Variants in POLR1A observed in about 807,000 individuals in gnomAD.
POLR1A encodes the protein DNA-directed RNA polymerase I subunit RPA1.
A neutral mutation model predicts 205.3 loss-of-function variants in POLR1A; 84 were observed. The observed-to-expected ratio is 0.41, with a 90% CI of 0.34 to 0.49. The LOEUF (loss-of-function observed/expected upper bound fraction) is 0.49. POLR1A is among the 20% of genes least tolerant of loss of function. The probability of loss-of-function intolerance (pLI) is 0.22; values close to 1 mark genes in which losing one functional copy is unlikely to be tolerated. For synonymous variants in POLR1A, 799 were observed against 863.7 expected, an observed-to-expected ratio of 0.93 and a Z score of 1.31; for missense variants, 1,645 against 2,204.5, an observed-to-expected ratio of 0.75 and a Z score of 5.08.
intron 29 of POLR1A, among the ~76,000 whole-genome samples, 167 bp downstream of exon 29, chr2:86,032,105 C>A (rs958879798): frequency 1.3e-5 from 2 of 152,172 alleles, no homozygotes; most frequent in Non-Finnish European, 2.9e-5. Context: ...CCCTATGAAC[C>A]CCATCTTCTC....
In POLR1A at chr2:86,023,611, T is replaced by C. The variant is rs1330377141; in HGVS notation, c.*3812A>G. 2 of 152,108 alleles carry C rather than the reference T, an allele frequency of 1.3e-5. No homozygotes were observed. The highest frequency in any genetic ancestry group is 1.5e-5 in the Non-Finnish European group (1 of 68,016). The allele number at this position is 152,108 out of a possible 1,614,324, so 9.4% of individuals were successfully genotyped here. A position where few individuals can be genotyped will look rare whatever the true frequency, so the allele number is the denominator to read the frequency against. ...GGATGTGGAGAAATTGAAATTGTTG[T>C]ACACCGTTGGTGGGAACATAAAATG... is the stretch of plus-strand genomic sequence containing the variant. On this transcript the variant is annotated 3_prime_UTR_variant, in exon 34 of 34. Coordinates refer to ENST00000263857, the MANE Select transcript of POLR1A (RefSeq NM_015425.6).
Position 86,088,984 on chromosome 2 carries a change from C to A in POLR1A, c.541-114G>T. 4.3e-6 allele frequency: 3 copies of A among 690,120 alleles called. No individual in the cohort carries two copies. In the East Asian group the frequency reaches 8.2e-5, roughly 19 times the overall value. The allele number at this position is 690,120 out of a possible 1,614,324, so 42.7% of individuals were successfully genotyped here. The stretch of plus-strand genomic sequence containing the variant: ...TTAACCAGCGGAAACACCCCCACCA[C>A]CACTTTCTTAAACAAAATCTTCCAT... On this transcript the variant is annotated intron_variant, in intron 4 of 33. Transcript: ENST00000263857.
At chr2:86,058,054 G>A (rs1178299897) in intron 14 of POLR1A, among the ~76,000 whole-genome samples, 3 of 152,144 alleles carry the variant, frequency 2.0e-5, no homozygotes, top group Non-Finnish European at 2.9e-5. Flanking sequence ...GGCTATAGGT[G>A]TGTGCCACCA....
At chr2:86,095,730 CTT>C (rs3077170) in intron 3 of POLR1A, among the ~76,000 whole-genome samples, 105,493 of 141,640 alleles carry the variant, frequency 0.74, 40,271 homozygotes, top group South Asian at 0.84. Context: ...ATATTCTTTT[CTT>C]TTTTTTTTTT....
chr2:86,031,899 C>T (rs1253368945), intron 29 of POLR1A, among the ~76,000 whole-genome samples: 2 of 152,166 alleles, frequency 1.3e-5, no homozygotes, highest in South Asian at 2.1e-4. Flanking sequence ...ACCTGCTCAC[C>T]GGTAAGTTCC....
chr2:86,075,240 G>C lies in POLR1A; in HGVS notation c.1401C>G (p.Thr467=), dbSNP rs1673260536. ...GIPMVFATKL[T]YPQPVTPWNV... ...TCCATGGGGTAACTGGCTGTGGGTAGGTCAGTTTTGTGGCAAACACCTGGA... is the reference window on the plus strand; with the variant it reads ...TCCATGGGGTAACTGGCTGTGGGTACGTCAGTTTTGTGGCAAACACCTGGA... The change falls in exon 12 of 34, where the codon ACC becomes ACG. Residue 467 remains threonine, a synonymous_variant. Coordinates refer to ENST00000263857, the MANE Select transcript of POLR1A (RefSeq NM_015425.6). 4 of 1,608,154 alleles carry C rather than the reference G, an allele frequency of 2.5e-6. No homozygotes were observed. The highest frequency in any genetic ancestry group is 3.4e-6 in the Non-Finnish European group (4 of 1,176,592).
At chr2:86,044,389 G>C in intron 21 of POLR1A, 85 bp from the exon 22 acceptor site, 1 of 1,437,604 alleles carries the variant, frequency 7.0e-7, no homozygotes, top group Non-Finnish European at 9.7e-7. Flanking sequence ...CAGTGGAGGG[G>C]AGGGAAAGGG....
At chr2:86,086,562 A>T (rs141075835) in intron 6 of POLR1A, among the ~76,000 whole-genome samples, 24 of 152,372 alleles carry the variant, frequency 1.6e-4, no homozygotes, top group African/African-American at 5.3e-4. Flanking sequence ...TGCTCATCAC[A>T]AACATGGTCC....
At chr2:86,053,755 C>T (rs1010316434) in intron 15 of POLR1A, among the ~76,000 whole-genome samples, 2 of 152,174 alleles carry the variant, frequency 1.3e-5, no homozygotes, top group African/African-American at 2.4e-5. Flanking sequence ...TCTCTCTGCC[C>T]TGGGCCTGTC....
In POLR1A at chr2:86,020,803, C is replaced by CA. The variant is rs1045471486; in HGVS notation, c.*6619dup. 2 of 152,222 alleles carry CA rather than the reference C, an allele frequency of 1.3e-5. No homozygotes were observed. Among genetic ancestry groups the CA allele is most frequent in the African/African-American group, 4.8e-5 (2 of 41,450 alleles). The allele number at this position is 152,222 out of a possible 1,614,324, so 9.4% of individuals were successfully genotyped here. On this transcript the variant is annotated 3_prime_UTR_variant, in exon 34 of 34. Transcript: ENST00000263857. ...CAGTAGCACCTCCCTCCAGTAGCAA[C>CA]AAAAAATGTCCGCAGACACTGCTGA...
intron 16 of POLR1A, among the ~76,000 whole-genome samples, chr2:86,049,505 A>T (rs1672763946): frequency 6.6e-6 from 1 of 152,232 alleles, no homozygotes. Flanking sequence ...GTATGGGTAG[A>T]AAGTAAACCC....
chr2:86,064,103 C>T (rs1673046625), intron 14 of POLR1A, among the ~76,000 whole-genome samples: 1 of 152,146 alleles, frequency 6.6e-6, no homozygotes, highest in Admixed American at 6.6e-5. Context: ...GGAAATAGGT[C>T]CAGGTTTTGC....
intron 7 of POLR1A, 111 bp downstream of exon 7, chr2:86,082,971 G>A: frequency 1.3e-6 from 1 of 792,500 alleles, no homozygotes; most frequent in Non-Finnish European, 2.1e-6. Context: ...TCAGTTCCAG[G>A]AGGAAGCTAC....
chr2:86,095,087 C>T (rs190351776), intron 3 of POLR1A, among the ~76,000 whole-genome samples: 29 of 152,332 alleles, frequency 1.9e-4, no homozygotes, highest in African/African-American at 6.5e-4. Flanking sequence ...TGCAGGGATC[C>T]CCTCTCACTC....
intron 14 of POLR1A, among the ~76,000 whole-genome samples, chr2:86,054,795 G>T (rs941918357): frequency 6.6e-6 from 1 of 152,252 alleles, no homozygotes; most frequent in Non-Finnish European, 1.5e-5. Flanking sequence ...TTCTCAAGCG[G>T]CTGCTCTGCA....
chr2:86,066,537 G>A (rs151087665), intron 13 of POLR1A, among the ~76,000 whole-genome samples: 1 of 152,144 alleles, frequency 6.6e-6, no homozygotes, highest in South Asian at 2.1e-4. Context: ...ACTTTTCAAT[G>A]TTTATAGGAA....
At chr2:86,047,834 G>A (rs1672735734) in intron 18 of POLR1A, among the ~76,000 whole-genome samples, 1 of 152,194 alleles carries the variant, frequency 6.6e-6, no homozygotes, top group African/African-American at 2.4e-5. Flanking sequence ...CTTCTAGCCT[G>A]TGCCTGGAAT....
chr2:86,043,011 C>A lies in POLR1A; in HGVS notation c.3320G>T (p.Ser1107Ile). The change falls in exon 23 of 34, where the codon AGT becomes ATT. Residue 1107 changes from serine to isoleucine, a missense_variant. This residue lies in a region of POLR1A where 201 missense variants were observed against 222.3 expected (regional missense o/e 0.90). Transcript: ENST00000263857. ...QEAVKALKLE[S>I]ENRNGRSPGT... ...AGGGCTGCGGCCATTGCGGTTTTCA[C>A]TCTCAAGTTTCAGGGCTTTCACAGC... 1 of 1,614,194 alleles carries A rather than the reference C, an allele frequency of 6.2e-7. No homozygotes were observed. The highest frequency in any genetic ancestry group is 8.5e-7 in the Non-Finnish European group (1 of 1,180,020).
chr2:86,075,496 C>T (rs1004861543), intron 11 of POLR1A, among the ~76,000 whole-genome samples: 2 of 152,072 alleles, frequency 1.3e-5, no homozygotes, highest in African/African-American at 2.4e-5. Flanking sequence ...ATAATTTAAG[C>T]GCAGCAGTTT....
Sources: gnomAD v4.1 joint callset for allele counts (sites outside exome capture counted in the v4.1 genomes callset) on GRCh38, gnomAD v4.1.1 for gene constraint, gnomAD v4.1.1 regional missense constraint, MANE v1.5 for transcripts, NCBI Gene and HGNC (gene_info 2026-07-23, HGNC 2026-07-21) for gene names.